The following SLC24A3 variants were observed in gnomAD, a reference collection of about 807,000 sequenced individuals.
SLC24A3 encodes the protein sodium/potassium/calcium exchanger 3.
Under a neutral mutation model 75.8 loss-of-function variants are expected in SLC24A3, and 28 were observed. The ratio of observed to expected loss-of-function variants is 0.37; its 90% CI spans 0.27 to 0.51. SLC24A3 has a LOEUF of 0.51. Among genes scored for constraint, SLC24A3 ranks in the 20% least tolerant of loss-of-function variants. The pLI, the probability that SLC24A3 is intolerant of heterozygous loss-of-function variation, is 0.94. For missense variants in SLC24A3, 663 were observed against 847.8 expected (o/e 0.78, Z 2.71); for synonymous variants, 372 against 334.1 (o/e 1.11, Z -1.24).
intron 2 of SLC24A3, among the ~76,000 whole-genome samples, chr20:19,421,695 C>A (rs1986920813): frequency 6.6e-6 from 1 of 152,124 alleles, no homozygotes; most frequent in African/African-American, 2.4e-5. Context: ...ACGGGATTTA[C>A]TGGGCAAAAA....
chr20:19,468,200 T>C (rs78637954), intron 2 of SLC24A3, among the ~76,000 whole-genome samples: 2,747 of 152,226 alleles, frequency 0.018, 90 homozygotes, highest in African/African-American at 0.06. Context: ...TATAAGATGG[T>C]AGCTGACAGT....
intron 2 of SLC24A3, among the ~76,000 whole-genome samples, chr20:19,499,125 A>G (rs189742031): frequency 6.6e-6 from 1 of 152,342 alleles, no homozygotes; most frequent in Non-Finnish European, 1.5e-5. Context: ...TGAGCAGCCA[A>G]GTAAAGACCA....
intron 15 of SLC24A3, among the ~76,000 whole-genome samples, chr20:19,717,077 G>A (rs1229553022): frequency 6.6e-6 from 1 of 152,160 alleles, no homozygotes; most frequent in East Asian, 1.9e-4. Flanking sequence ...AGACATTTTG[G>A]TGCAAAAGAG....
chr20:19,483,250 G>C (rs1020670109), intron 2 of SLC24A3, among the ~76,000 whole-genome samples: 2 of 152,038 alleles, frequency 1.3e-5, no homozygotes, highest in Non-Finnish European at 2.9e-5. Flanking sequence ...CCTATCCCTG[G>C]GGAAGTTGAT....
intron 6 of SLC24A3, among the ~76,000 whole-genome samples, chr20:19,628,817 C>A (rs6136800): frequency 0.63 from 95,939 of 151,922 alleles, 31,135 homozygotes; most frequent in Non-Finnish European, 0.72. Flanking sequence ...ATGATGCAAC[C>A]GCTGGGAAGA....
At chr20:19,714,856 A>G (rs1418280832) in intron 15 of SLC24A3, among the ~76,000 whole-genome samples, 1 of 152,242 alleles carries the variant, frequency 6.6e-6, no homozygotes, top group Admixed American at 6.5e-5. Context: ...GTTTGGCCAA[A>G]GGGAATTTTC....
intron 3 of SLC24A3, among the ~76,000 whole-genome samples, chr20:19,556,991 A>G (rs940909482): frequency 4.6e-5 from 7 of 152,112 alleles, no homozygotes; most frequent in Admixed American, 1.3e-4. Flanking sequence ...ATGTGCTGCC[A>G]ATGAGATGCC....
At chr20:19,224,339 G>A (rs1047153535) in intron 1 of SLC24A3, among the ~76,000 whole-genome samples, 5 of 152,158 alleles carry the variant, frequency 3.3e-5, no homozygotes, top group Admixed American at 6.5e-5. Context: ...AAAGTATAAC[G>A]TCAAGAATTA....
chr20:19,644,938 G>A (rs528515134), intron 6 of SLC24A3, among the ~76,000 whole-genome samples: 1 of 152,198 alleles, frequency 6.6e-6, no homozygotes, highest in Admixed American at 6.5e-5. Flanking sequence ...TCTAGCATTT[G>A]GTCTTATTAT....
At chr20:19,527,893 C>G (rs543880297) in intron 3 of SLC24A3, among the ~76,000 whole-genome samples, 1 of 152,282 alleles carries the variant, frequency 6.6e-6, no homozygotes, top group African/African-American at 2.4e-5. Flanking sequence ...AATTCAGTGT[C>G]CCACACATGA....
chr20:19,588,320 A>T (rs185026360), intron 6 of SLC24A3, among the ~76,000 whole-genome samples: 1 of 152,196 alleles, frequency 6.6e-6, no homozygotes, highest in Non-Finnish European at 1.5e-5. Flanking sequence ...CTGCACTTTC[A>T]TTTGGCTGGG....
chr20:19,339,402 CTCAG>C (rs1409564240), intron 2 of SLC24A3, among the ~76,000 whole-genome samples: 2 of 152,166 alleles, frequency 1.3e-5, no homozygotes, highest in African/African-American at 4.8e-5. Flanking sequence ...TAAGCTATCA[CTCAG>C]TCTATATAAC....
chr20:19,462,026 T>C (rs73903104), intron 2 of SLC24A3, among the ~76,000 whole-genome samples: 3,674 of 152,284 alleles, frequency 0.024, 144 homozygotes, highest in African/African-American at 0.084. Flanking sequence ...CAACTTTTAT[T>C]TTAGGTTCAG....
At chr20:19,322,278 G>A (rs939543862) in intron 2 of SLC24A3, among the ~76,000 whole-genome samples, 4 of 151,724 alleles carry the variant, frequency 2.6e-5, no homozygotes, top group African/African-American at 9.7e-5. Context: ...TTTCTTCTAC[G>A]TTAGCTGGTA....
chr20:19,273,736 G>T (rs1983397328), intron 1 of SLC24A3, among the ~76,000 whole-genome samples: 1 of 152,006 alleles, frequency 6.6e-6, no homozygotes, highest in Non-Finnish European at 1.5e-5. Flanking sequence ...AGATCTCCAA[G>T]CCACAGGAGG....
intron 2 of SLC24A3, among the ~76,000 whole-genome samples, chr20:19,316,834 T>C (rs1984599031): frequency 6.6e-6 from 1 of 152,216 alleles, no homozygotes; most frequent in East Asian, 1.9e-4. Context: ...TTTTAAAAAT[T>C]TCCTACTTTT....
intron 2 of SLC24A3, among the ~76,000 whole-genome samples, chr20:19,506,487 A>G (rs1433927616): frequency 1.3e-5 from 2 of 152,214 alleles, no homozygotes; most frequent in Admixed American, 6.5e-5. Context: ...AGTGGAATCA[A>G]CATATTAGAA....
At chr20:19,309,936 C>A (rs917222093) in intron 2 of SLC24A3, among the ~76,000 whole-genome samples, 1 of 152,060 alleles carries the variant, frequency 6.6e-6, no homozygotes, top group African/African-American at 2.4e-5. Flanking sequence ...CAGGTCAGGG[C>A]GGCAAAGCAT....
intron 2 of SLC24A3, among the ~76,000 whole-genome samples, chr20:19,315,280 C>T (rs551701584): frequency 8.5e-5 from 13 of 152,202 alleles, no homozygotes; most frequent in Admixed American, 4.6e-4. Flanking sequence ...AAGGAGGCTG[C>T]GGCAGCAGCC....
Sources: allele counts gnomAD v4.1 joint callset (sites outside exome capture counted in the v4.1 genomes callset), GRCh38; gene constraint gnomAD v4.1.1; transcripts MANE v1.5; gene names NCBI Gene and HGNC (gene_info 2026-07-23, HGNC 2026-07-21).